Variants in PFKP observed in about 807,000 individuals in gnomAD.
The protein encoded by PFKP is ATP-dependent 6-phosphofructokinase, platelet type.
In PFKP, 101 loss-of-function variants were observed where a neutral mutation model predicts 94.3. The observed-to-expected ratio is 1.07, with a 90% CI of 0.91 to 1.26. The LOEUF is 1.26. Among genes scored for constraint, PFKP ranks in the 50% most tolerant of loss-of-function variants. PFKP has a pLI of 0.00. For missense variants in PFKP, 1,145 were observed against 1,103.3 expected (o/e 1.04, Z -0.53); for synonymous variants, 573 against 432.6 (o/e 1.32, Z -4.03).
intron 7 of PFKP, among the ~76,000 whole-genome samples, chr10:3,106,038 G>A (rs1588478748): frequency 6.6e-6 from 1 of 152,224 alleles, no homozygotes. Context: ...GAAACCCACT[G>A]TCTGGGCCCT....
chr10:3,128,189 C>G (rs1412715539), intron 16 of PFKP, among the ~76,000 whole-genome samples: 2 of 152,202 alleles, frequency 1.3e-5, no homozygotes, highest in Non-Finnish European at 2.9e-5. Flanking sequence ...CGGCCGGGTG[C>G]TGCTGATGGT....
chr10:3,115,185 A>T (rs1341366720), intron 13 of PFKP, among the ~76,000 whole-genome samples: 1 of 152,224 alleles, frequency 6.6e-6, no homozygotes, highest in Non-Finnish European at 1.5e-5. Flanking sequence ...TCTTGCAGGT[A>T]GGATGAGGAG....
chr10:3,077,340 C>A (rs1413706185), intron 1 of PFKP, among the ~76,000 whole-genome samples: 2 of 141,142 alleles, frequency 1.4e-5, no homozygotes, highest in Non-Finnish European at 3.0e-5. Context: ...CGGCTCACTG[C>A]AACCTCCACC....
Position 3,115,373 on chromosome 10 carries a change from C to CACG in PFKP, c.1372-1403_1372-1402insACG, listed in dbSNP as rs1564327217. Among the ~76,000 whole-genome samples, 46 of 39,892 alleles carry CACG rather than the reference C, an allele frequency of 1.2e-3. 9 individuals are homozygous for CACG. The highest frequency in any genetic ancestry group is 2.0e-3 in the African/African-American group (39 of 19,592). The allele number at this position is 39,892 out of a possible 152,430, so 26.2% of individuals were successfully genotyped here. A position where few individuals can be genotyped will look rare whatever the true frequency, so the allele number is the denominator to read the frequency against. ...GATGCTGGAGTGAAGGTGTGTGTCC[C>CACG]GCAGCTGAGAACAGGACTGGGGATG... On this transcript the variant is annotated intron_variant, in intron 13 of 21. Transcript: ENST00000381125.
chr10:3,081,681 G>A (rs1396557331), intron 1 of PFKP, among the ~76,000 whole-genome samples: 1 of 152,238 alleles, frequency 6.6e-6, no homozygotes, highest in African/African-American at 2.4e-5. Context: ...TCCAGCGGCA[G>A]TGGAGAGCTA....
intron 3 of PFKP, chr10:3,101,074 C>A: frequency 8.2e-7 from 1 of 1,213,860 alleles, no homozygotes; most frequent in Non-Finnish European, 1.2e-6. Flanking sequence ...GCTGCTGTGA[C>A]ACCGCAGGCT....
chr10:3,109,448 G>A lies in PFKP; in HGVS notation c.1057G>A (p.Val353Met), dbSNP rs555383068. ...CGTGTCACTGAACGGGAACCACGCC[G>A]TGCGCCTGCCGCTGATGGAGTGCGT... ...CVVSLNGNHAVRLPLMECVQM... is the reference protein window; with the variant it reads ...CVVSLNGNHAMRLPLMECVQM... Residue 353 changes from valine to methionine, a missense_variant, in exon 10 of 22, where the codon GTG becomes ATG. Around this residue, in one of 3 missense-constraint regions of PFKP, gnomAD observed 1,119 missense variants for 1,062.8 expected, o/e 1.05. Transcript: ENST00000381125. 2.1e-5 allele frequency: 34 copies of A among 1,606,790 alleles called. No homozygotes were observed. Among genetic ancestry groups the A allele is most frequent in the South Asian group, 2.1e-4 (19 of 91,032 alleles).
chr10:3,093,030 G>T (rs1359871228), intron 2 of PFKP, among the ~76,000 whole-genome samples: 2 of 149,444 alleles, frequency 1.3e-5, no homozygotes, highest in East Asian at 2.0e-4. Flanking sequence ...GTGGAAGGGG[G>T]TGGCCACAGA....
At chr10:3,124,809 G>A (rs942030944) in intron 16 of PFKP, among the ~76,000 whole-genome samples, 6 of 151,704 alleles carry the variant, frequency 4.0e-5, no homozygotes, top group South Asian at 2.1e-4. Context: ...CTAACTCGCC[G>A]TTGCCTGCAA....
rs370807721 is a variant in PFKP at position 3,113,228 on chromosome 10, C to T, written c.1224+40C>T. 51 of 1,596,654 alleles carry T rather than the reference C, an allele frequency of 3.2e-5. No homozygotes were observed. In the African/African-American group the frequency reaches 4.0e-4, roughly 13 times the overall value. ...TCCCGCGATGCCCCGACCTCTCCTG[C>T]GGGCCTCCCCTCATGGCCTCTGCCT... On this transcript the variant is annotated intron_variant, in intron 12 of 21. Coordinates refer to ENST00000381125, the MANE Select transcript of PFKP (RefSeq NM_002627.5).
chr10:3,107,301 A>T lies in PFKP; in HGVS notation c.862A>T (p.Ile288Phe). Reference protein sequence around the residue: ...TQNKPITSEKIKELVVTQLGY... With the variant: ...TQNKPITSEKFKELVVTQLGY... The stretch of plus-strand genomic sequence containing the variant: ...AAATAAACCCATCACCTCTGAGAAA[A>T]TCAAAGAGGTGAGTGTGTGTAGCTG... Residue 288 changes from isoleucine (I) to phenylalanine (F), a missense_variant, in exon 8 of 22, where the codon ATC becomes TTC. Ile to Phe is a conservative substitution (Grantham distance 21). Coordinates refer to ENST00000381125, the MANE Select transcript of PFKP (RefSeq NM_002627.5). 2 of 1,590,878 alleles carry T rather than the reference A, an allele frequency of 1.3e-6. No individual in the cohort carries two copies. The highest frequency in any genetic ancestry group is 1.7e-6 in the Non-Finnish European group (2 of 1,159,256).
intron 3 of PFKP, among the ~76,000 whole-genome samples, chr10:3,100,334 G>A (rs759132412): frequency 6.6e-6 from 1 of 152,028 alleles, no homozygotes; most frequent in East Asian, 1.9e-4. Context: ...AAATGGTCTC[G>A]GTCACACTTG....
chr10:3,087,959 A>G (rs1035170555), intron 2 of PFKP, among the ~76,000 whole-genome samples: 3 of 148,298 alleles, frequency 2.0e-5, no homozygotes, highest in Admixed American at 6.7e-5. Flanking sequence ...GCTGTTACAG[A>G]TATAAAAATC....
In PFKP at chr10:3,113,385, T is replaced by G. The variant is rs755775572; in HGVS notation, c.1238T>G (p.Val413Gly). 2 of 1,591,058 alleles carry G rather than the reference T, an allele frequency of 1.3e-6. No individual in the cohort carries two copies. Among genetic ancestry groups the G allele is most frequent in the East Asian group, 4.5e-5 (2 of 44,526 alleles). ...TCTGTTTTGCAGACCAATTGCAACGTAGCTGTCATCAACGTGGGGGCACCC... is the reference window on the plus strand; with the variant it reads ...TCTGTTTTGCAGACCAATTGCAACGGAGCTGTCATCAACGTGGGGGCACCC... ...DDQIPKTNCNVAVINVGAPAA... is the reference protein window; with the variant it reads ...DDQIPKTNCNGAVINVGAPAA... Residue 413 changes from valine (V) to glycine (G), a missense_variant, in exon 13 of 22, where the codon GTA (valine) becomes GGA (glycine). Val to Gly is a moderately radical substitution (Grantham distance 109). Coordinates refer to ENST00000381125, the MANE Select transcript of PFKP (RefSeq NM_002627.5).
At chr10:3,083,672 C>G (rs936641617) in intron 2 of PFKP, among the ~76,000 whole-genome samples, 1 of 151,978 alleles carries the variant, frequency 6.6e-6, no homozygotes, top group Non-Finnish European at 1.5e-5. Context: ...AGAAAAATCT[C>G]ACTTTTGTCC....
Position 3,130,408 on chromosome 10 carries a change from C to T in PFKP, c.1848+425C>T, listed in dbSNP as rs367886094. Among the ~76,000 whole-genome samples, 179 of 152,312 alleles carry T rather than the reference C, an allele frequency of 1.2e-3. 2 individuals carry two copies. The South Asian group carries it at 0.022, about 18-fold the overall frequency. ...GGACACAGACATGACCGTGGTTTCT[C>T]GGCATCTGTGGCTCTTTTAGGGAAG... On this transcript the variant is annotated intron_variant, in intron 17 of 21. Coordinates refer to ENST00000381125, the MANE Select transcript of PFKP (RefSeq NM_002627.5).
intron 2 of PFKP, among the ~76,000 whole-genome samples, chr10:3,094,372 T>C (rs1588444086): frequency 6.6e-6 from 1 of 152,226 alleles, no homozygotes; most frequent in Non-Finnish European, 1.5e-5. Flanking sequence ...CAGGACCACA[T>C]GATGGTGTGT....
At chr10:3,113,318 A>T in intron 12 of PFKP, 54 bp from the exon 13 acceptor site, 1 of 1,577,952 alleles carries the variant, frequency 6.3e-7, no homozygotes, top group African/African-American at 1.3e-5. Context: ...GTGTGCAGCA[A>T]ATGGAGCTCA....
chr10:3,104,388 A>G (rs1436319770), intron 5 of PFKP, among the ~76,000 whole-genome samples: 1 of 152,220 alleles, frequency 6.6e-6, no homozygotes, highest in Admixed American at 6.5e-5. Flanking sequence ...GGTTATCACT[A>G]AAGACTGTGG....
Sources: allele counts gnomAD v4.1 joint callset (sites outside exome capture counted in the v4.1 genomes callset), GRCh38; gene constraint gnomAD v4.1.1; regional missense constraint gnomAD v4.1.1; transcripts MANE v1.5; gene names NCBI Gene and HGNC (gene_info 2026-07-23, HGNC 2026-07-21).